Variants in ATE1 observed in about 807,000 individuals in gnomAD.
The protein encoded by ATE1 is arginyl-tRNA--protein transferase 1.
ATE1 carries 36 observed loss-of-function variants against 70.5 expected under a neutral mutation model. That is an observed-to-expected ratio of 0.51 (90% confidence interval 0.39 to 0.67). The LOEUF (loss-of-function observed/expected upper bound fraction) is 0.67, where lower values mean the gene tolerates loss of function less well. ATE1 is among the 30% of genes least tolerant of loss of function. The pLI, the probability that ATE1 is intolerant of heterozygous loss-of-function variation, is 0.00. For missense variants in ATE1, 593 were observed against 629.5 expected, an observed-to-expected ratio of 0.94 and a Z score of 0.62; for synonymous variants, 232 against 219.3, an observed-to-expected ratio of 1.06 and a Z score of -0.51.
chr10:121,766,085 C>T (rs1245993458), intron 11 of ATE1, among the ~76,000 whole-genome samples: 1 of 152,134 alleles, frequency 6.6e-6, no homozygotes, highest in African/African-American at 2.4e-5. Context: ...AAACTGCCTG[C>T]CATAATGTCT....
intron 6 of ATE1, among the ~76,000 whole-genome samples, chr10:121,901,202 G>A (rs976884364): frequency 1.3e-5 from 2 of 151,970 alleles, no homozygotes; most frequent in African/African-American, 2.4e-5. Context: ...AGGAGGCAGA[G>A]GTTGCAGTGA....
At chr10:121,808,121 T>G (rs568132539) in intron 10 of ATE1, among the ~76,000 whole-genome samples, 1 of 152,338 alleles carries the variant, frequency 6.6e-6, no homozygotes, top group Admixed American at 6.5e-5. Flanking sequence ...TTTCTACACG[T>G]ATAGTATATT....
intron 8 of ATE1, among the ~76,000 whole-genome samples, chr10:121,863,043 G>A (rs1021954946): frequency 2.0e-5 from 3 of 152,062 alleles, no homozygotes; most frequent in African/African-American, 7.2e-5. Flanking sequence ...CTAATTTCCT[G>A]TCTAAATGTT....
intron 10 of ATE1, among the ~76,000 whole-genome samples, chr10:121,794,635 G>GT (rs1946584394): frequency 1.3e-5 from 1 of 79,288 alleles, no homozygotes; most frequent in Non-Finnish European, 2.5e-5. Flanking sequence ...AAAAAAAAAG[G>GT]AGAAGAGAAT....
At chr10:121,817,391 T>C (rs1167506991) in intron 10 of ATE1, among the ~76,000 whole-genome samples, 1 of 152,106 alleles carries the variant, frequency 6.6e-6, no homozygotes, top group East Asian at 1.9e-4. Context: ...ACAAAAAAAT[T>C]AGCCGGGCGC....
rs746597136 is a variant in ATE1, at chr10:121,899,924, TAG to T, written c.882_883del (p.Tyr295Ter). 5.0e-6 allele frequency: 8 copies of T among 1,614,106 alleles called. No individual in the cohort carries two copies. Among genetic ancestry groups the T allele is most frequent in the Non-Finnish European group, 5.9e-6 (7 of 1,179,966 alleles). ...GTGAATAACCATCTGGTAACGTTTA[TAG>T]ACCTGGTAAGACTCCAGAAGTGTGG... On this transcript the variant is annotated frameshift_variant, in exon 7 of 12. Transcript: ENST00000224652. LOFTEE classifies it high-confidence loss of function.
chr10:121,788,388 G>A lies in ATE1; in HGVS notation c.1378+1781C>T, dbSNP rs1363062544. ...TCTAGAAAAACAGGGGCTAATGCCA[G>A]GGTACCTGGCATATGAGTCAGCTGG... On this transcript the variant is annotated intron_variant, in intron 11 of 11. Transcript: ENST00000224652. 2.0e-5 allele frequency among the ~76,000 whole-genome samples: 3 copies of A among 152,214 alleles called. No homozygotes were observed. In the East Asian group the frequency reaches 5.8e-4, roughly 29 times the overall value.
chr10:121,845,877 T>G (rs1010507962), intron 8 of ATE1, among the ~76,000 whole-genome samples: 1 of 152,182 alleles, frequency 6.6e-6, no homozygotes. Flanking sequence ...TAAATGTGCA[T>G]AGATTATAGA....
intron 8 of ATE1, among the ~76,000 whole-genome samples, chr10:121,867,606 A>G (rs2134001550): frequency 6.6e-6 from 1 of 152,260 alleles, no homozygotes; most frequent in East Asian, 1.9e-4. Context: ...AAAGCTACCA[A>G]TGCACCTCTA....
At chr10:121,859,317 C>T (rs1172046194) in intron 8 of ATE1, among the ~76,000 whole-genome samples, 2 of 148,536 alleles carry the variant, frequency 1.3e-5, no homozygotes, top group African/African-American at 5.0e-5. Flanking sequence ...AGTGCAGTGG[C>T]GGGATCTCGG....
At chr10:121,850,907 C>G (rs1316105420) in intron 8 of ATE1, among the ~76,000 whole-genome samples, 1 of 151,704 alleles carries the variant, frequency 6.6e-6, no homozygotes, top group Non-Finnish European at 1.5e-5. Flanking sequence ...CTGGCTAACA[C>G]AGTGAAACCC....
At chr10:121,800,275 G>C (rs1946824680) in intron 10 of ATE1, among the ~76,000 whole-genome samples, 1 of 152,096 alleles carries the variant, frequency 6.6e-6, no homozygotes, top group African/African-American at 2.4e-5. Context: ...AATCAGAAAA[G>C]AAATACTTTC....
In ATE1 at chr10:121,841,086, G is replaced by A. The variant is rs1324453442; in HGVS notation, c.1153C>T (p.Leu385=). ...SFLSLGVYSA[L]REIAFTRQLH... Reference sequence around the variant, plus strand: ...AACGGCAAAAAGCAATCTTACCGTAGTGCAGAGTAGACGCCCAAAGACAAA... The same window carrying A: ...AACGGCAAAAAGCAATCTTACCGTAATGCAGAGTAGACGCCCAAAGACAAA... The change falls in exon 9 of 12, where the codon CTA becomes TTA. Residue 385 remains leucine (L), a synonymous_variant. Coordinates refer to ENST00000224652, the MANE Select transcript of ATE1 (RefSeq NM_001001976.3). 6.4e-7 allele frequency: 1 copy of A among 1,553,202 alleles called. No individual in the cohort carries two copies. The highest frequency in any genetic ancestry group is 1.2e-5 in the South Asian group (1 of 80,014).
In ATE1 at chr10:121,928,019, A is replaced by C; in HGVS notation, c.-70T>G. The C allele has an allele frequency of 1.6e-6, 2 of 1,290,048 alleles. No individual in the cohort carries two copies. Among genetic ancestry groups the C allele is most frequent in the Non-Finnish European group, 2.0e-6 (2 of 1,017,768 alleles). 79.9% of individuals were successfully genotyped at this position (1,290,048 alleles called of 1,614,324 possible). A position where few individuals can be genotyped will look rare whatever the true frequency, so the allele number is the denominator to read the frequency against. ...AGCGCGGCCGCCGCCGCCACCCCACAATGCAGCGCGCCGCCCGGGAGCCTC... is the reference window on the plus strand; with the variant it reads ...AGCGCGGCCGCCGCCGCCACCCCACCATGCAGCGCGCCGCCCGGGAGCCTC... On this transcript the variant is annotated 5_prime_UTR_variant, in exon 1 of 12. The change creates a new upstream start codon in the 5' untranslated region. Transcript: ENST00000224652.
chr10:121,889,491 T>C (rs925058173), intron 7 of ATE1, among the ~76,000 whole-genome samples: 2 of 152,152 alleles, frequency 1.3e-5, no homozygotes, highest in African/African-American at 4.8e-5. Context: ...CCTATTTTCA[T>C]TCATCTATAA....
rs1944302067 is a variant in ATE1 at position 121,745,217 on chromosome 10, TA to T, written c.1379-1360del. Among the ~76,000 whole-genome samples, 4 of 152,340 alleles carry T rather than the reference TA, an allele frequency of 2.6e-5. No homozygotes were observed. The South Asian group carries it at 8.3e-4, about 32-fold the overall frequency. ...TAGAGAATAATGTTACAGTATCTAC[TA>T]AAATGTACAATGTTTTCACTGACTC... On this transcript the variant is annotated intron_variant, in intron 11 of 11. Transcript: ENST00000224652.
intron 7 of ATE1, among the ~76,000 whole-genome samples, chr10:121,897,964 G>T (rs184727341): frequency 3.3e-5 from 5 of 152,104 alleles, no homozygotes. Context: ...CTTTCTCAGG[G>T]AACATGCAGC....
chr10:121,886,006 G>T (rs530852830), intron 7 of ATE1, among the ~76,000 whole-genome samples: 197 of 152,022 alleles, frequency 1.3e-3, no homozygotes, highest in Non-Finnish European at 1.9e-3. Context: ...ATAAAATACA[G>T]GTTAAGTATC....
In ATE1 at chr10:121,782,169, A is replaced by G. The variant is rs559929966; in HGVS notation, c.1378+8000T>C. 2.0e-5 allele frequency among the ~76,000 whole-genome samples: 3 copies of G among 152,346 alleles called. No homozygotes were observed. In the East Asian group the frequency reaches 5.8e-4, roughly 29 times the overall value. On this transcript the variant is annotated intron_variant, in intron 11 of 11. Coordinates refer to ENST00000224652, the MANE Select transcript of ATE1 (RefSeq NM_001001976.3). ...TCTTGGACTATTATGTCTGTCTGCG[A>G]GTCAGCTGTTCCAATTACTAGTAGA...
Sources: gnomAD v4.1 joint callset for allele counts (sites outside exome capture counted in the v4.1 genomes callset) on GRCh38, gnomAD v4.1.1 for gene constraint, MANE v1.5 for transcripts, NCBI Gene and HGNC (gene_info 2026-07-23, HGNC 2026-07-21) for gene names.